Variants in CES1 observed in about 807,000 individuals in gnomAD.
CES1 encodes carboxylesterase 1.
A neutral mutation model predicts 53.0 loss-of-function variants in CES1; 50 were observed. That is an observed-to-expected ratio of 0.94 (90% CI 0.75 to 1.19). The LOEUF (loss-of-function observed/expected upper bound fraction) is 1.19. CES1 is among the 50% of genes most tolerant of loss of function. The pLI is 0.00. For missense variants in CES1, 534 were observed against 538.0 expected (o/e 0.99, Z 0.07); for synonymous variants, 202 against 210.1 (o/e 0.96, Z 0.33).
In CES1 at chr16:55,828,782, G is replaced by A. The variant is rs139250836; in HGVS notation, c.245C>T (p.Thr82Ile). Reference sequence around the variant, plus strand: ...CGCAGCTTACATAGGAGGGTACGAGGTGGCATTCTTCACAAAGCTCCATGG... The same window carrying A: ...CGCAGCTTACATAGGAGGGTACGAGATGGCATTCTTCACAAAGCTCCATGG... Reference protein sequence around the residue: ...AEPWSFVKNATSYPPMCTQDP... With the variant: ...AEPWSFVKNAISYPPMCTQDP... The change falls in exon 2 of 14, where the codon ACC (threonine) becomes ATC (isoleucine). Residue 82 changes from threonine (T) to isoleucine (I), a missense_variant. Transcript: ENST00000360526. 76 of 1,614,166 alleles carry A rather than the reference G, an allele frequency of 4.7e-5. No homozygotes were observed. The highest frequency in any genetic ancestry group is 3.3e-4 in the Middle Eastern group (2 of 6,084).
rs180765943 is a variant in CES1 at position 55,822,636 on chromosome 16, G to C, written c.539+914C>G. On this transcript the variant is annotated intron_variant, in intron 4 of 13. Coordinates refer to ENST00000360526, the MANE Select transcript of CES1 (RefSeq NM_001025195.2). ...AGTGATGCCTGTGGGCTTCAAAGGT[G>C]AGGTGGGCTGGAAACAGGGGCTCTG... 4.2e-3 allele frequency among the ~76,000 whole-genome samples: 640 copies of C among 152,226 alleles called. 5 individuals are homozygous for C. The highest frequency in any genetic ancestry group is 0.015 in the African/African-American group (606 of 41,496).
rs2032056844 is a variant in CES1 at position 55,818,857 on chromosome 16, G to A, written c.906+678C>T. ...AAAACTAGCAGACAGGCGATAATTG[G>A]ATTGTTGATTTTGGAGGAATGGGTG... On this transcript the variant is annotated intron_variant, in intron 7 of 13. Transcript: ENST00000360526. Among the ~76,000 whole-genome samples the A allele has an allele frequency of 5.3e-5, 8 of 152,172 alleles. No individual in the cohort carries two copies. In the South Asian group the frequency reaches 1.7e-3, roughly 32 times the overall value.
At chr16:55,816,864 A>G (rs1286178466) in intron 8 of CES1, 60 bp downstream of exon 8, 15 of 1,534,860 alleles carry the variant, frequency 9.8e-6, no homozygotes, top group Non-Finnish European at 1.4e-5. Flanking sequence ...ACTCACAGTT[A>G]ATTGGAGCTT....
rs1474887420 is a variant in CES1, at chr16:55,812,757, A to T, written c.1086+146T>A. ...TGAAAACTGTGCCCTCCTGGAGAAG[A>T]TTTCCGTGGAAATGTTAACTCCTGC... On this transcript the variant is annotated intron_variant, in intron 9 of 13. Transcript: ENST00000360526. The T allele has an allele frequency of 2.5e-6, 3 of 1,189,604 alleles. No individual in the cohort carries two copies. In the African/African-American group the frequency reaches 4.6e-5, roughly 18 times the overall value. 73.7% of individuals were successfully genotyped at this position (1,189,604 alleles called of 1,614,324 possible).
intron 11 of CES1, among the ~76,000 whole-genome samples, chr16:55,809,107 A>AAAG (rs1282589322): frequency 6.7e-5 from 10 of 149,942 alleles, no homozygotes; most frequent in African/African-American, 2.4e-4. Context: ...AAAAAAAAAA[A>AAAG]AAAAGCCCTG....
At chr16:55,821,677 T>A (rs2142337858) in intron 4 of CES1, among the ~76,000 whole-genome samples, 156 bp from the exon 5 acceptor site, 1 of 152,316 alleles carries the variant, frequency 6.6e-6, no homozygotes, top group South Asian at 2.1e-4. Context: ...AGCATTGTGG[T>A]GATGTATGGT....
intron 9 of CES1, among the ~76,000 whole-genome samples, 173 bp from the exon 10 acceptor site, chr16:55,811,183 C>G (rs142887261): frequency 0.014 from 2,151 of 149,134 alleles, 1 homozygote; most frequent in Middle Eastern, 0.038. Context: ...GGGCTTATAT[C>G]CAGAAACTCA....
At chr16:55,819,204 A>T (rs1313268081) in intron 7 of CES1, among the ~76,000 whole-genome samples, 1 of 152,246 alleles carries the variant, frequency 6.6e-6, no homozygotes, top group African/African-American at 2.4e-5. Flanking sequence ...TGAGCTTAAT[A>T]TCTCCATCCC....
chr16:55,810,852 A>T, intron 10 of CES1, 75 bp downstream of exon 10: 1 of 1,447,766 alleles, frequency 6.9e-7, no homozygotes, highest in Non-Finnish European at 9.7e-7. Flanking sequence ...TCTGCCATTT[A>T]ATTGCTCTAT....
At chr16:55,827,118 A>T (rs1460628096) in intron 2 of CES1, among the ~76,000 whole-genome samples, 1 of 152,094 alleles carries the variant, frequency 6.6e-6, no homozygotes, top group Admixed American at 6.5e-5. Context: ...ATGTACCAAA[A>T]GGCAGTCATC....
intron 4 of CES1, among the ~76,000 whole-genome samples, chr16:55,822,842 T>C (rs1462802799): frequency 6.6e-6 from 1 of 152,166 alleles, no homozygotes; most frequent in South Asian, 2.1e-4. Flanking sequence ...GGGGAGGTCA[T>C]TGATGACCGC....
chr16:55,820,000 T>C lies in CES1; in HGVS notation c.802-361A>G, dbSNP rs1382409766. On this transcript the variant is annotated intron_variant, in intron 6 of 13. Coordinates refer to ENST00000360526, the MANE Select transcript of CES1 (RefSeq NM_001025195.2). ...CCTGGTTGTTCCACTTACCAGCCAT[T>C]AGGCAGACCCAGAGAGACACAAGAC... 5.5e-6 allele frequency: 3 copies of C among 540,950 alleles called. No individual in the cohort carries two copies. The African/African-American group carries it at 5.8e-5, about 10-fold the overall frequency. The allele number at this position is 540,950 out of a possible 1,614,324, so 33.5% of individuals were successfully genotyped here. A position where few individuals can be genotyped will look rare whatever the true frequency, so the allele number is the denominator to read the frequency against.
At chr16:55,827,093 C>T (rs1283335393) in intron 2 of CES1, among the ~76,000 whole-genome samples, 60 of 152,036 alleles carry the variant, frequency 3.9e-4, no homozygotes, top group Non-Finnish European at 2.9e-5. Context: ...TTATAAGCAA[C>T]AGTCCCAGAC....
Position 55,820,574 on chromosome 16 carries a change from C to T in CES1, c.694-95G>A, listed in dbSNP as rs114124874. 3,583 of 1,589,452 alleles carry T rather than the reference C, an allele frequency of 2.3e-3. 71 individuals are homozygous for T. The African/African-American group carries it at 0.043, about 19-fold the overall frequency. On this transcript the variant is annotated intron_variant, in intron 5 of 13. Coordinates refer to ENST00000360526, the MANE Select transcript of CES1 (RefSeq NM_001025195.2). ...GGCTAGATCTACTCCACTATAAAACCAACACGGGACTGAGGAATCCAGTAG... is the reference window on the plus strand; with the variant it reads ...GGCTAGATCTACTCCACTATAAAACTAACACGGGACTGAGGAATCCAGTAG...
chr16:55,813,941 C>G (rs866016200), intron 8 of CES1, among the ~76,000 whole-genome samples: 5 of 152,218 alleles, frequency 3.3e-5, no homozygotes, highest in African/African-American at 1.2e-4. Context: ...CATGCAAATC[C>G]AGCTTCCCCT....
chr16:55,832,253 C>A (rs1235467693), intron 1 of CES1, among the ~76,000 whole-genome samples: 1 of 152,192 alleles, frequency 6.6e-6, no homozygotes, highest in Non-Finnish European at 1.5e-5. Flanking sequence ...CTGTCCCCTC[C>A]CCAGGCTCTG....
At chr16:55,812,023 C>A (rs2031721212) in intron 9 of CES1, among the ~76,000 whole-genome samples, 3 of 152,196 alleles carry the variant, frequency 2.0e-5, no homozygotes, top group African/African-American at 7.2e-5. Context: ...TCCCCATAGA[C>A]CACAGTGTTT....
chr16:55,826,254 A>C lies in CES1; in HGVS notation c.302T>G (p.Leu101Arg). 1 of 1,614,012 alleles carries C rather than the reference A, an allele frequency of 6.2e-7. No homozygotes were observed. The highest frequency in any genetic ancestry group is 8.5e-7 in the Non-Finnish European group (1 of 1,179,878). Reference sequence around the variant, plus strand: ...AATGTTCTCCTTTCGGTTTGTAAATAGCTCTGAGAGTAACTGCCCCGCCTT... The same window carrying C: ...AATGTTCTCCTTTCGGTTTGTAAATCGCTCTGAGAGTAACTGCCCCGCCTT... The part of the protein sequence containing the change: ...DPKAGQLLSE[L>R]FTNRKENIPL... The change falls in exon 3 of 14, where the codon CTA (leucine) becomes CGA (arginine). Residue 101 changes from leucine to arginine, a missense_variant. Leu to Arg is a moderately radical substitution (Grantham distance 102). Coordinates refer to ENST00000360526, the MANE Select transcript of CES1 (RefSeq NM_001025195.2).
chr16:55,832,245 G>A (rs2032712189), intron 1 of CES1, among the ~76,000 whole-genome samples: 1 of 152,064 alleles, frequency 6.6e-6, no homozygotes, highest in Non-Finnish European at 1.5e-5. Flanking sequence ...GATCCGCCCT[G>A]TCCCCTCCCC....
Sources: allele counts gnomAD v4.1 joint callset (sites outside exome capture counted in the v4.1 genomes callset), GRCh38; gene constraint gnomAD v4.1.1; transcripts MANE v1.5; gene names NCBI Gene and HGNC (gene_info 2026-07-23, HGNC 2026-07-21).